HDAC9: variants seen among roughly 807,000 people sequenced by gnomAD.
HDAC9 encodes histone deacetylase 9, also known as MEF-2 interacting transcription repressor (MITR) protein.
In HDAC9, 41 loss-of-function variants were observed where a neutral mutation model predicts 139.4. The observed-to-expected ratio is 0.29, with a 90% confidence interval of 0.23 to 0.38. The LOEUF is 0.38. Ranked by LOEUF, HDAC9 falls within the 10% of genes least tolerant of loss-of-function variation. The probability of loss-of-function intolerance (pLI) is 1.00; values close to 1 mark genes in which losing one functional copy is unlikely to be tolerated. For missense variants in HDAC9, 1,147 were observed against 1,297.0 expected (o/e 0.88, Z 1.78); for synonymous variants, 517 against 476.2 (o/e 1.09, Z -1.12).
At chr7:18,186,731 A>G (rs1466222541) in intron 2 of HDAC9, among the ~76,000 whole-genome samples, 2 of 152,234 alleles carry the variant, frequency 1.3e-5, no homozygotes, top group Non-Finnish European at 2.9e-5. Context: ...AGAAATGATG[A>G]TGTGGTAATT....
chr7:18,223,517 G>C (rs568826360), intron 2 of HDAC9, among the ~76,000 whole-genome samples: 17 of 151,826 alleles, frequency 1.1e-4, no homozygotes, highest in Non-Finnish European at 1.9e-4. Flanking sequence ...CTTATCCAAG[G>C]CTACACCGTT....
intron 1 of HDAC9, among the ~76,000 whole-genome samples, chr7:18,347,519 T>C (rs1782510855): frequency 6.6e-6 from 1 of 152,242 alleles, no homozygotes; most frequent in South Asian, 2.1e-4. Context: ...ATGTAAATTG[T>C]GTTTATTCCT....
intron 1 of HDAC9, among the ~76,000 whole-genome samples, chr7:18,140,754 A>G (rs1054179687): frequency 4.6e-5 from 7 of 152,244 alleles, no homozygotes; most frequent in Non-Finnish European, 4.4e-5. Context: ...ACACATATAT[A>G]GAATACATAT....
chr7:18,407,387 C>G (rs772856173), intron 1 of HDAC9, among the ~76,000 whole-genome samples: 35 of 152,176 alleles, frequency 2.3e-4, no homozygotes, highest in Non-Finnish European at 4.7e-4. Flanking sequence ...ATCTTGTCTC[C>G]TTATGTATTG....
intron 23 of HDAC9, among the ~76,000 whole-genome samples, chr7:18,938,638 A>G (rs1159923932): frequency 6.6e-6 from 1 of 152,234 alleles, no homozygotes; most frequent in African/African-American, 2.4e-5. Context: ...TGCTGAATTA[A>G]ATATTAAAAC....
chr7:18,648,196 C>G (rs1788036333), intron 10 of HDAC9, among the ~76,000 whole-genome samples, 198 bp downstream of exon 10: 1 of 152,110 alleles, frequency 6.6e-6, no homozygotes, highest in South Asian at 2.1e-4. Flanking sequence ...GGACTCACCT[C>G]ATTTAACCTT....
chr7:18,608,725 C>G (rs1445452558), intron 6 of HDAC9, among the ~76,000 whole-genome samples: 2 of 152,110 alleles, frequency 1.3e-5, no homozygotes, highest in African/African-American at 4.8e-5. Flanking sequence ...CTTTATTTGA[C>G]AAACCACACT....
intron 1 of HDAC9, among the ~76,000 whole-genome samples, chr7:18,427,350 C>G (rs1404421456): frequency 2.6e-5 from 4 of 152,104 alleles, no homozygotes; most frequent in African/African-American, 9.7e-5. Context: ...AAGATGTATT[C>G]TGGGTTCTCT....
In HDAC9 at chr7:18,108,439, C is replaced by T. The variant is rs566291368; in HGVS notation, c.-97+21226C>T. On this transcript the variant is annotated intron_variant, in intron 1 of 12. Transcript: ENST00000417496. Reference sequence around the variant, plus strand: ...GGTAAGTACCTACTGTGTGTAAAGGCTGTACTAGGTAATGGGATGTATGAA... The same window carrying T: ...GGTAAGTACCTACTGTGTGTAAAGGTTGTACTAGGTAATGGGATGTATGAA... 7.2e-5 allele frequency among the ~76,000 whole-genome samples: 11 copies of T among 152,202 alleles called. No individual in the cohort carries two copies. The East Asian group carries it at 2.1e-3, about 29-fold the overall frequency.
intron 2 of HDAC9, among the ~76,000 whole-genome samples, chr7:18,504,146 A>C (rs551604386): frequency 3.7e-4 from 57 of 152,268 alleles, no homozygotes; most frequent in African/African-American, 1.2e-3. Context: ...GATGCTTTTG[A>C]AATCTCATAA....
intron 12 of HDAC9, among the ~76,000 whole-genome samples, chr7:18,679,485 T>C (rs969580727): frequency 1.1e-4 from 17 of 151,496 alleles, no homozygotes; most frequent in African/African-American, 4.1e-4. Context: ...CCACCCTCTC[T>C]CCCTTTCTTT....
intron 17 of HDAC9, among the ~76,000 whole-genome samples, chr7:18,814,510 A>G (rs898197888): frequency 6.6e-6 from 1 of 152,122 alleles, no homozygotes. Context: ...TGTACATATC[A>G]TACACACTTG....
At chr7:18,888,835 T>C (rs970309358) in intron 22 of HDAC9, among the ~76,000 whole-genome samples, 4 of 152,258 alleles carry the variant, frequency 2.6e-5, no homozygotes, top group African/African-American at 9.6e-5. Flanking sequence ...TGCATGCTTG[T>C]GTAATGTTCA....
At chr7:18,898,591 T>C (rs78360683) in intron 22 of HDAC9, among the ~76,000 whole-genome samples, 2,049 of 151,952 alleles carry the variant, frequency 0.013, 48 homozygotes, top group African/African-American at 0.047. Flanking sequence ...TTATCTAAGT[T>C]ACAAACTCAG....
At chr7:18,205,140 G>A (rs1210252993) in intron 2 of HDAC9, among the ~76,000 whole-genome samples, 2 of 151,882 alleles carry the variant, frequency 1.3e-5, no homozygotes, top group African/African-American at 2.4e-5. Context: ...AGCCAGTTAT[G>A]TCAGCCTCAT....
intron 1 of HDAC9, among the ~76,000 whole-genome samples, chr7:18,437,817 G>C (rs978774701): frequency 2.6e-5 from 4 of 151,012 alleles, no homozygotes; most frequent in Non-Finnish European, 5.9e-5. Context: ...AATAAAAAGG[G>C]AAAGTCCCTC....
chr7:18,495,860 A>T lies in HDAC9; in HGVS notation c.-205A>T. 1 of 1,079,496 alleles carries T rather than the reference A, an allele frequency of 9.3e-7. No individual in the cohort carries two copies. The highest frequency in any genetic ancestry group is 1.1e-6 in the Non-Finnish European group (1 of 891,374). The allele number at this position is 1,079,496 out of a possible 1,614,324, so 66.9% of individuals were successfully genotyped here. A position where few individuals can be genotyped will look rare whatever the true frequency, so the allele number is the denominator to read the frequency against. On this transcript the variant is annotated 5_prime_UTR_variant, in exon 1 of 26. Coordinates refer to ENST00000686413, the MANE Select transcript of HDAC9 (RefSeq NM_178425.4). ...CCTGAAGAACTCTAAGCCAGGTTTA[A>T]TTGGTTTCTTTTTCTCGTGGGTAGA...
intron 22 of HDAC9, among the ~76,000 whole-genome samples, chr7:18,896,812 T>C (rs1169920715): frequency 2.0e-5 from 3 of 152,050 alleles, no homozygotes; most frequent in African/African-American, 4.8e-5. Context: ...AGCAAGAACA[T>C]TGTCTCAGAC....
intron 2 of HDAC9, among the ~76,000 whole-genome samples, chr7:18,225,667 C>T (rs1425303114): frequency 6.6e-6 from 1 of 152,028 alleles, no homozygotes; most frequent in Non-Finnish European, 1.5e-5. Flanking sequence ...ATGCAGGCAT[C>T]TTTCACTTAA....
Sources: allele counts gnomAD v4.1 joint callset (sites outside exome capture counted in the v4.1 genomes callset), GRCh38; gene constraint gnomAD v4.1.1; transcripts MANE v1.5; gene names NCBI Gene and HGNC (gene_info 2026-07-23, HGNC 2026-07-21).